COG6: variants seen among roughly 807,000 people sequenced by gnomAD.
COG6 encodes the protein conserved oligomeric Golgi complex subunit 6.
In COG6, 74 loss-of-function variants were observed where a neutral mutation model predicts 88.8. The ratio of observed to expected loss-of-function variants is 0.83; its 90% CI spans 0.69 to 1.01. The LOEUF (loss-of-function observed/expected upper bound fraction) is 1.01. Ranked by LOEUF, COG6 falls within the 50% of genes least tolerant of loss-of-function variation. The pLI is 0.00. For synonymous variants in COG6, 286 were observed against 278.7 expected, an observed-to-expected ratio of 1.03 and a Z score of -0.26; for missense variants, 800 against 797.9, an observed-to-expected ratio of 1.00 and a Z score of -0.03.
At chr13:39,745,326 G>T (rs1034731154) in intron 18 of COG6, among the ~76,000 whole-genome samples, 13 of 152,000 alleles carry the variant, frequency 8.6e-5, no homozygotes, top group Admixed American at 6.6e-4. Context: ...GGGAAAAAAT[G>T]TTTGCAATCT....
chr13:39,669,308 C>T (rs1275003295), intron 4 of COG6, among the ~76,000 whole-genome samples: 1 of 152,206 alleles, frequency 6.6e-6, no homozygotes, highest in African/African-American at 2.4e-5. Flanking sequence ...AACACAAAAA[C>T]AAGCATTACT....
chr13:39,658,791 C>A (rs1489742508), intron 1 of COG6, among the ~76,000 whole-genome samples: 1 of 152,124 alleles, frequency 6.6e-6, no homozygotes, highest in African/African-American at 2.4e-5. Context: ...GAGAGGCCTT[C>A]CCCTTTAAGT....
chr13:39,741,249 G>T (rs1428481223), intron 18 of COG6, among the ~76,000 whole-genome samples: 3 of 152,166 alleles, frequency 2.0e-5, no homozygotes, highest in Non-Finnish European at 2.9e-5. Context: ...GCTGGATAGA[G>T]AATGACTTTG....
chr13:39,726,113 G>A (rs1334289066), intron 17 of COG6, among the ~76,000 whole-genome samples: 1 of 151,854 alleles, frequency 6.6e-6, no homozygotes, highest in Non-Finnish European at 1.5e-5. Context: ...TATTTAATAC[G>A]TGATTATATA....
intron 13 of COG6, 60 bp downstream of exon 13, chr13:39,699,678 G>C: frequency 1.2e-6 from 1 of 849,976 alleles, no homozygotes; most frequent in African/African-American, 1.7e-5. Flanking sequence ...AGATGTTTTA[G>C]TGATTTTTGT....
At chr13:39,729,441 A>G (rs1239740776) in intron 18 of COG6, among the ~76,000 whole-genome samples, 1 of 152,256 alleles carries the variant, frequency 6.6e-6, no homozygotes, top group Non-Finnish European at 1.5e-5. Context: ...AAAAGATAAT[A>G]TAAACTAAGT....
At chr13:39,757,737 A>G (rs1185591689) in intron 18 of COG6, among the ~76,000 whole-genome samples, 1 of 152,206 alleles carries the variant, frequency 6.6e-6, no homozygotes, top group African/African-American at 2.4e-5. Flanking sequence ...TAAAATCTGA[A>G]TAGAACTATG....
chr13:39,659,009 A>G (rs1874710199), intron 1 of COG6, among the ~76,000 whole-genome samples: 1 of 151,882 alleles, frequency 6.6e-6, no homozygotes, highest in Admixed American at 6.6e-5. Flanking sequence ...TTCACTTAAC[A>G]TATCTCAAAG....
chr13:39,742,847 GT>G (rs1387434790), intron 18 of COG6, among the ~76,000 whole-genome samples: 8 of 152,034 alleles, frequency 5.3e-5, no homozygotes, highest in African/African-American at 1.9e-4. Flanking sequence ...TGACCACATA[GT>G]TCGAAGTAAA....
Position 39,719,976 on chromosome 13 carries a change from C to G in COG6, c.1584+149C>G, listed in dbSNP as rs943757544. The G allele has an allele frequency of 1.7e-5, 10 of 605,636 alleles. No individual in the cohort carries two copies. The South Asian group carries it at 1.8e-4, about 11-fold the overall frequency. The allele number at this position is 605,636 out of a possible 1,614,324, so 37.5% of individuals were successfully genotyped here. ...ATGAAAGGACACACATGCATATACA[C>G]AACACACGCACATACACAACACACA... On this transcript the variant is annotated intron_variant, in intron 15 of 18. Transcript: ENST00000455146.
rs781326039 is a variant in COG6, at chr13:39,655,851, T to G, written c.125T>G (p.Ile42Ser). The G allele has an allele frequency of 1.2e-6, 2 of 1,606,896 alleles. No homozygotes were observed. Among genetic ancestry groups the G allele is most frequent in the African/African-American group, 2.7e-5 (2 of 74,752 alleles). Residue 42 changes from isoleucine to serine, a missense_variant, in exon 1 of 19, where the codon ATC becomes AGC. Coordinates refer to ENST00000455146, the MANE Select transcript of COG6 (RefSeq NM_020751.3). ...CNPLSRKLHKILETRLDNDKE... is the reference protein window; with the variant it reads ...CNPLSRKLHKSLETRLDNDKE... Reference sequence around the variant, plus strand: ...CCGCTGTCGCGCAAGCTGCATAAGATCCTGGAGACGCGGCTGGACAACGAC... The same window carrying G: ...CCGCTGTCGCGCAAGCTGCATAAGAGCCTGGAGACGCGGCTGGACAACGAC...
At chr13:39,724,013 G>A (rs1180023583) in intron 16 of COG6, among the ~76,000 whole-genome samples, 2 of 151,958 alleles carry the variant, frequency 1.3e-5, no homozygotes, top group Non-Finnish European at 2.9e-5. Flanking sequence ...TCTTTCTTAA[G>A]AAAGCAAAGA....
intron 8 of COG6, among the ~76,000 whole-genome samples, chr13:39,682,639 G>T (rs1197780155): frequency 6.6e-6 from 1 of 152,020 alleles, no homozygotes; most frequent in Non-Finnish European, 1.5e-5. Context: ...ATATGGTTAT[G>T]CAGAGATGAA....
downstream of COG6, chr13:39,752,697 C>G (rs1255582781): frequency 1.7e-6 from 2 of 1,143,692 alleles, no homozygotes; most frequent in Non-Finnish European, 2.2e-6. Flanking sequence ...AGAAAATGCA[C>G]TAATGGAAAA....
At chr13:39,750,456 T>G (rs777591400) in intron 18 of COG6, among the ~76,000 whole-genome samples, 13 of 152,150 alleles carry the variant, frequency 8.5e-5, no homozygotes, top group Admixed American at 3.9e-4. Flanking sequence ...TATAGAGAGA[T>G]GAAGAGAAAG....
intron 17 of COG6, among the ~76,000 whole-genome samples, chr13:39,726,611 A>G (rs1288408272): frequency 1.3e-5 from 2 of 151,912 alleles, no homozygotes; most frequent in Non-Finnish European, 2.9e-5. Flanking sequence ...CTGTCTTCCT[A>G]TGGCCAGATT....
At chr13:39,738,609 G>C (rs1464561627) in intron 18 of COG6, among the ~76,000 whole-genome samples, 3 of 152,124 alleles carry the variant, frequency 2.0e-5, no homozygotes, top group Non-Finnish European at 4.4e-5. Flanking sequence ...AGACAAAATT[G>C]TTAGACTGGA....
At chr13:39,712,341 T>C (rs1257134316) in intron 13 of COG6, among the ~76,000 whole-genome samples, 1 of 152,180 alleles carries the variant, frequency 6.6e-6, no homozygotes, top group Non-Finnish European at 1.5e-5. Context: ...TGCCAAAATA[T>C]TCCCTCATAA....
At chr13:39,698,475 T>G (rs771924278) in intron 12 of COG6, among the ~76,000 whole-genome samples, 27 of 151,982 alleles carry the variant, frequency 1.8e-4, no homozygotes, top group Non-Finnish European at 3.7e-4. Context: ...ATATATGCAC[T>G]TTACTAATAA....
Sources: allele counts gnomAD v4.1 joint callset (sites outside exome capture counted in the v4.1 genomes callset), GRCh38; gene constraint gnomAD v4.1.1; transcripts MANE v1.5; gene names NCBI Gene and HGNC (gene_info 2026-07-23, HGNC 2026-07-21).